SH2D4B: variants seen among roughly 807,000 people sequenced by gnomAD.
The protein encoded by SH2D4B is SH2 domain-containing protein 4B.
In SH2D4B, 45 loss-of-function variants were observed where a neutral mutation model predicts 61.5. That is an observed-to-expected ratio of 0.73 (90% CI 0.58 to 0.94). The LOEUF (loss-of-function observed/expected upper bound fraction) is 0.94, where lower values mean the gene tolerates loss of function less well. Among genes scored for constraint, SH2D4B ranks in the 40% least tolerant of loss-of-function variants. The pLI, the probability that SH2D4B is intolerant of heterozygous loss-of-function variation, is 0.00. For missense variants in SH2D4B, 572 were observed against 574.2 expected (o/e 1.00, Z 0.04); for synonymous variants, 224 against 220.4 (o/e 1.02, Z -0.14).
chr10:80,642,054 T>C (rs1432373042), intron 7 of SH2D4B, among the ~76,000 whole-genome samples: 1 of 152,222 alleles, frequency 6.6e-6, no homozygotes, highest in Non-Finnish European at 1.5e-5. Flanking sequence ...AAAACTTATG[T>C]ATATAAGGAA....
rs1841539637 is a variant in SH2D4B at position 80,538,699 on chromosome 10, T to TTAGG, written c.184+185_184+188dup. On this transcript the variant is annotated intron_variant, in intron 1 of 7. Transcript: ENST00000646907. The surrounding 1 kb of genome is among the most constrained non-coding windows in gnomAD (Gnocchi z 4.8). ...GTGCTTTTGCCTTTTGGCCAGGACCTTAGGGCTTCGAGGCTGCTGCAGAGG... is the reference window on the plus strand; with the variant it reads ...GTGCTTTTGCCTTTTGGCCAGGACCTTAGGTAGGGCTTCGAGGCTGCTGCAGAGG... Among the ~76,000 whole-genome samples the TTAGG allele has an allele frequency of 6.6e-6, 1 of 152,224 alleles. No homozygotes were observed. Among genetic ancestry groups the TTAGG allele is most frequent in the Non-Finnish European group, 1.5e-5 (1 of 68,046 alleles).
At chr10:80,607,855 T>C (rs1842537515) in intron 5 of SH2D4B, among the ~76,000 whole-genome samples, 2 of 152,222 alleles carry the variant, frequency 1.3e-5, no homozygotes, top group South Asian at 4.1e-4. Context: ...GAAGAGGCTT[T>C]GGTTGTTCAA....
Position 80,644,158 on chromosome 10 carries a change from A to C in SH2D4B, c.*73A>C. ...TCAGCTTAAGAACTTCTCATCTCAA[A>C]TCCTATGGCCTTCTGGAAGATCCAC... is the stretch of plus-strand genomic sequence containing the variant. On this transcript the variant is annotated 3_prime_UTR_variant, in exon 8 of 8. Coordinates refer to ENST00000646907, the MANE Select transcript of SH2D4B (RefSeq NM_001388272.1). 1 of 1,201,786 alleles carries C rather than the reference A, an allele frequency of 8.3e-7. No homozygotes were observed. Among genetic ancestry groups the C allele is most frequent in the Non-Finnish European group, 1.2e-6 (1 of 818,562 alleles). 74.4% of individuals were successfully genotyped at this position (1,201,786 alleles called of 1,614,324 possible). A position where few individuals can be genotyped will look rare whatever the true frequency, so the allele number is the denominator to read the frequency against.
chr10:80,544,241 G>A (rs542437040), intron 1 of SH2D4B, among the ~76,000 whole-genome samples: 8 of 152,126 alleles, frequency 5.3e-5, no homozygotes, highest in South Asian at 4.2e-4. Flanking sequence ...CAGAGGCGCC[G>A]CCTTAAGAGC....
chr10:80,610,655 C>G (rs920317685), intron 6 of SH2D4B, among the ~76,000 whole-genome samples: 1 of 152,182 alleles, frequency 6.6e-6, no homozygotes, highest in Non-Finnish European at 1.5e-5. Flanking sequence ...CCAAGATGAG[C>G]TTGCCATCTT....
At chr10:80,613,990 T>C (rs1447091002) in intron 6 of SH2D4B, among the ~76,000 whole-genome samples, 1 of 152,150 alleles carries the variant, frequency 6.6e-6, no homozygotes, top group Non-Finnish European at 1.5e-5. Flanking sequence ...GTCATTTTAA[T>C]GATTACTTCG....
intron 1 of SH2D4B, among the ~76,000 whole-genome samples, chr10:80,568,751 C>G (rs190668678): frequency 1.3e-5 from 2 of 152,262 alleles, no homozygotes; most frequent in Admixed American, 1.3e-4. Flanking sequence ...GTTCTATTCC[C>G]TTTCTTTCAG....
chr10:80,622,564 C>T (rs1193708858), intron 6 of SH2D4B, among the ~76,000 whole-genome samples: 1 of 152,116 alleles, frequency 6.6e-6, no homozygotes, highest in Admixed American at 6.5e-5. Flanking sequence ...CTCTTTCTTT[C>T]CTCTATTTGC....
intron 1 of SH2D4B, among the ~76,000 whole-genome samples, chr10:80,554,990 C>T (rs1470433048): frequency 4.3e-5 from 4 of 92,732 alleles, no homozygotes; most frequent in Non-Finnish European, 5.7e-5. Context: ...GCCTGGGCGA[C>T]AAGGCGAGTC....
chr10:80,603,354 G>A (rs1448501657), intron 4 of SH2D4B, among the ~76,000 whole-genome samples: 1 of 152,190 alleles, frequency 6.6e-6, no homozygotes, highest in African/African-American at 2.4e-5. Context: ...TAGGGGTGCT[G>A]CTAGGGCTGG....
intron 7 of SH2D4B, among the ~76,000 whole-genome samples, chr10:80,638,836 A>G (rs1464319751): frequency 6.6e-6 from 1 of 151,926 alleles, no homozygotes; most frequent in African/African-American, 2.4e-5. Flanking sequence ...TAGCTTTTGA[A>G]TTTGTTTGCT....
intron 1 of SH2D4B, among the ~76,000 whole-genome samples, chr10:80,540,254 C>T (rs1841560648): frequency 6.6e-6 from 1 of 152,178 alleles, no homozygotes; most frequent in African/African-American, 2.4e-5. Context: ...CGCTTGGATC[C>T]TGGCTCTTTG....
At chr10:80,632,655 G>T (rs12771183) in intron 6 of SH2D4B, among the ~76,000 whole-genome samples, 331 of 152,100 alleles carry the variant, frequency 2.2e-3, no homozygotes, top group Non-Finnish European at 3.8e-3. Context: ...CTCTTTTAGG[G>T]CCCGGGTGTT....
intron 1 of SH2D4B, among the ~76,000 whole-genome samples, chr10:80,546,366 C>G (rs1006626461): frequency 6.6e-5 from 10 of 151,596 alleles, no homozygotes; most frequent in African/African-American, 2.4e-4. Flanking sequence ...ATTTACATTT[C>G]TTGTTTTAGG....
At chr10:80,549,119 T>C (rs1309690339) in intron 1 of SH2D4B, among the ~76,000 whole-genome samples, 1 of 151,676 alleles carries the variant, frequency 6.6e-6, no homozygotes, top group East Asian at 1.9e-4. Context: ...CTGATTGTGA[T>C]TGTGTGGCTA....
In SH2D4B at chr10:80,644,421, A is replaced by T. The variant is rs1840363001; in HGVS notation, c.*336A>T. The T allele has an allele frequency of 4.9e-6, 1 of 205,782 alleles. No individual in the cohort carries two copies. Among genetic ancestry groups the T allele is most frequent in the South Asian group, 1.8e-4 (1 of 5,548 alleles). The allele number at this position is 205,782 out of a possible 1,614,324, so 12.7% of individuals were successfully genotyped here. A position where few individuals can be genotyped will look rare whatever the true frequency, so the allele number is the denominator to read the frequency against. The stretch of plus-strand genomic sequence containing the variant: ...TAATCCAAAATAATTCCAGTGCCGA[A>T]CCCTGAATTTAACATATGGTAGACA... On this transcript the variant is annotated 3_prime_UTR_variant, in exon 8 of 8. Transcript: ENST00000646907.
intron 6 of SH2D4B, among the ~76,000 whole-genome samples, chr10:80,623,475 C>G (rs1842739272): frequency 6.6e-6 from 1 of 152,178 alleles, no homozygotes; most frequent in African/African-American, 2.4e-5. Context: ...TCTGTTAATA[C>G]CATTATGTTG....
At position 80,571,513 on chromosome 10, in the gene SH2D4B, A is replaced by G. The variant is rs1447206481; in HGVS notation, c.430A>G (p.Lys144Glu). 2 of 1,614,078 alleles carry G rather than the reference A, an allele frequency of 1.2e-6. No homozygotes were observed. ...EKARILAEKW[K>E]VEMEDRKAAK... ...AGCCCGGATCTTGGCGGAGAAGTGG[A>G]AAGTGGAGATGGAAGACCGCAAGGC... is the stretch of plus-strand genomic sequence containing the variant. Residue 144 changes from lysine to glutamate, a missense_variant, in exon 3 of 8, where the codon AAA becomes GAA. Physicochemically the swap from Lys to Glu is moderately conservative, Grantham distance 56. Transcript: ENST00000646907.
intron 1 of SH2D4B, among the ~76,000 whole-genome samples, chr10:80,554,696 C>G (rs2132108606): frequency 6.6e-6 from 1 of 152,210 alleles, no homozygotes; most frequent in East Asian, 1.9e-4. Flanking sequence ...CTAAAGTCAA[C>G]TGATTGAAAA....
Sources: allele counts gnomAD v4.1 joint callset (sites outside exome capture counted in the v4.1 genomes callset), GRCh38; gene constraint gnomAD v4.1.1; non-coding constraint Gnocchi (gnomAD v3.1); transcripts MANE v1.5; gene names NCBI Gene and HGNC (gene_info 2026-07-23, HGNC 2026-07-21).